Variants in SNAP25 observed in about 807,000 individuals in gnomAD.
SNAP25 encodes synaptosome associated protein 25.
Under a neutral mutation model 28.7 loss-of-function variants are expected in SNAP25, and 3 were observed. The ratio of observed to expected loss-of-function variants is 0.10; its 90% CI spans 0.05 to 0.27. SNAP25 has a LOEUF of 0.27. Among genes scored for constraint, SNAP25 ranks in the 10% least tolerant of loss-of-function variants. The pLI, the probability that SNAP25 is intolerant of heterozygous loss-of-function variation, is 1.00. For synonymous variants in SNAP25, 61 were observed against 88.1 expected (o/e 0.69, Z 1.72); for missense variants, 117 against 278.7 (o/e 0.42, Z 4.13).
chr20:10,244,534 A>T (rs2063093080), intron 1 of SNAP25, among the ~76,000 whole-genome samples: 1 of 152,198 alleles, frequency 6.6e-6, no homozygotes, highest in Admixed American at 6.5e-5. Flanking sequence ...ACAGCCAGTG[A>T]GTGGCAGAGC....
At chr20:10,263,596 AG>A (rs994869848) in intron 1 of SNAP25, among the ~76,000 whole-genome samples, 6 of 152,152 alleles carry the variant, frequency 3.9e-5, no homozygotes, top group Non-Finnish European at 8.8e-5. Flanking sequence ...CATTTTGTTT[AG>A]GGTATAACAA....
intron 1 of SNAP25, among the ~76,000 whole-genome samples, chr20:10,232,912 G>A (rs941913690): frequency 6.6e-6 from 1 of 152,104 alleles, no homozygotes; most frequent in African/African-American, 2.4e-5. Flanking sequence ...AATAACATCA[G>A]CAGAACTCCA....
chr20:10,250,761 G>A (rs530028419), intron 1 of SNAP25, among the ~76,000 whole-genome samples: 19 of 152,330 alleles, frequency 1.2e-4, no homozygotes, highest in African/African-American at 4.6e-4. Context: ...ATGATGGATA[G>A]ATGGGTGGTC....
Position 10,306,332 on chromosome 20 carries a change from C to A in SNAP25, c.*135C>A. ...CCCCATTGTGAATGTTGTCCTGTGT[C>A]ATCTGTCAGCTTCCCAACAATACTT... On this transcript the variant is annotated 3_prime_UTR_variant, in exon 8 of 8. Coordinates refer to ENST00000254976, the MANE Select transcript of SNAP25 (RefSeq NM_130811.4). 2.8e-6 allele frequency: 2 copies of A among 702,658 alleles called. No individual in the cohort carries two copies. Among genetic ancestry groups the A allele is most frequent in the Admixed American group, 2.4e-5 (1 of 41,532 alleles). The allele number at this position is 702,658 out of a possible 1,614,324, so 43.5% of individuals were successfully genotyped here.
chr20:10,284,424 A>C (rs2063836656), intron 3 of SNAP25, among the ~76,000 whole-genome samples: 1 of 152,214 alleles, frequency 6.6e-6, no homozygotes, highest in South Asian at 2.1e-4. Context: ...ATAAAATTAC[A>C]GTATAATATG....
Position 10,275,485 on chromosome 20 carries a change from C to G in SNAP25, c.-7C>G. On this transcript the variant is annotated 5_prime_UTR_variant, in exon 2 of 8. Transcript: ENST00000254976. ...GCCCAGGCGCCCAGCCACTCCCCACCGCTACCATGGCCGAAGACGCAGACA... is the reference window on the plus strand; with the variant it reads ...GCCCAGGCGCCCAGCCACTCCCCACGGCTACCATGGCCGAAGACGCAGACA... The G allele has an allele frequency of 6.2e-7, 1 of 1,600,812 alleles. No individual in the cohort carries two copies. Among genetic ancestry groups the G allele is most frequent in the Non-Finnish European group, 8.5e-7 (1 of 1,173,400 alleles).
At chr20:10,231,009 A>G (rs761284275) in intron 1 of SNAP25, among the ~76,000 whole-genome samples, 8 of 152,108 alleles carry the variant, frequency 5.3e-5, no homozygotes, top group Non-Finnish European at 1.2e-4. Context: ...TCATCAAATA[A>G]TAGGACATCT....
At chr20:10,244,733 CTT>C (rs112632869) in intron 1 of SNAP25, among the ~76,000 whole-genome samples, 72 of 140,500 alleles carry the variant, frequency 5.1e-4, no homozygotes, top group African/African-American at 1.3e-3. Context: ...TTCTTTCTCT[CTT>C]TTTTTTTTTT....
intron 1 of SNAP25, among the ~76,000 whole-genome samples, chr20:10,224,257 C>CTTTTTTTTTTTTTTTTGT: frequency 5.7e-5 from 1 of 17,420 alleles, no homozygotes; most frequent in Non-Finnish European, 9.5e-5. Flanking sequence ...ATGTACATGT[C>CTTTTTTTTTTTTTTTTGT]TTTTTTTTTT....
At position 10,218,846 on chromosome 20, in the gene SNAP25, G is replaced by C. The variant is rs1178782987; in HGVS notation, c.-195G>C. ...CGGACGGCCATCTTTGATGAGGGCA[G>C]AGCTCACGTTGCATTGAAGACGAAA... On this transcript the variant is annotated 5_prime_UTR_variant, in exon 1 of 8. Transcript: ENST00000254976. 3 of 152,048 alleles carry C rather than the reference G, an allele frequency of 2.0e-5. No homozygotes were observed. Among genetic ancestry groups the C allele is most frequent in the African/African-American group, 7.3e-5 (3 of 41,362 alleles). 9.4% of individuals were successfully genotyped at this position (152,048 alleles called of 1,614,324 possible).
rs1434625338 is a variant in SNAP25, at chr20:10,293,442, A to G, written c.281+164A>G. Among the ~76,000 whole-genome samples the G allele has an allele frequency of 6.6e-6, 1 of 152,240 alleles. No homozygotes were observed. Among genetic ancestry groups the G allele is most frequent in the East Asian group, 1.9e-4 (1 of 5,198 alleles). On this transcript the variant is annotated intron_variant, in intron 5 of 7. Coordinates refer to ENST00000254976, the MANE Select transcript of SNAP25 (RefSeq NM_130811.4). This position sits in a 1 kb window ranked among gnomAD's most constrained non-coding sequence, Gnocchi z 5.6. ...ATCTCATAGCATAGATGATATTAGC[A>G]GGAGTTACTGTTGATGCATTAAAAA...
In SNAP25 at chr20:10,307,285, A is replaced by G. The variant is rs760093155; in HGVS notation, c.*1088A>G. The G allele has an allele frequency of 6.6e-6, 1 of 152,662 alleles. No homozygotes were observed. The highest frequency in any genetic ancestry group is 1.5e-5 in the Non-Finnish European group (1 of 68,044). The allele number at this position is 152,662 out of a possible 1,614,324, so 9.5% of individuals were successfully genotyped here. ...GAAACCTTTTAAAAAAATAATATAA[A>G]TGAATGAAATATAAACTGTGAGATA... is the stretch of plus-strand genomic sequence containing the variant. On this transcript the variant is annotated 3_prime_UTR_variant, in exon 8 of 8. Transcript: ENST00000254976.
chr20:10,305,742 G>A (rs1433579574), intron 7 of SNAP25, among the ~76,000 whole-genome samples: 3 of 152,076 alleles, frequency 2.0e-5, no homozygotes, highest in African/African-American at 7.3e-5. Context: ...CAATCCTACA[G>A]TATAAGAAGT....
intron 1 of SNAP25, among the ~76,000 whole-genome samples, chr20:10,256,923 A>G (rs916788336): frequency 6.6e-6 from 1 of 152,264 alleles, no homozygotes; most frequent in Non-Finnish European, 1.5e-5. Context: ...GTAATTGACT[A>G]TAAAAAACAG....
At chr20:10,285,685 T>C (rs1407557626) in intron 4 of SNAP25, among the ~76,000 whole-genome samples, 1 of 151,732 alleles carries the variant, frequency 6.6e-6, no homozygotes, top group Non-Finnish European at 1.5e-5. Flanking sequence ...TCTCAAGCTG[T>C]GGGGGGGAAC....
chr20:10,290,690 A>T (rs2063978325), intron 4 of SNAP25, among the ~76,000 whole-genome samples: 1 of 152,156 alleles, frequency 6.6e-6, no homozygotes. Flanking sequence ...ACTTAGGAGA[A>T]ACTCCTCAAG....
intron 3 of SNAP25, among the ~76,000 whole-genome samples, chr20:10,278,831 C>T (rs937975369): frequency 6.7e-6 from 1 of 150,284 alleles, no homozygotes; most frequent in Admixed American, 6.8e-5. Flanking sequence ...AGCTTCTCAC[C>T]TAGGAATGAG....
chr20:10,244,470 T>C (rs867462060), intron 1 of SNAP25, among the ~76,000 whole-genome samples: 4 of 152,204 alleles, frequency 2.6e-5, no homozygotes, highest in Admixed American at 2.6e-4. Context: ...TATCACTGTT[T>C]TACCCATTAG....
At chr20:10,242,010 C>G (rs1330002109) in intron 1 of SNAP25, among the ~76,000 whole-genome samples, 1 of 152,118 alleles carries the variant, frequency 6.6e-6, no homozygotes, top group Non-Finnish European at 1.5e-5. Flanking sequence ...AGGCAGCATT[C>G]CTTACTAGGG....
Sources: gnomAD v4.1 joint callset for allele counts (sites outside exome capture counted in the v4.1 genomes callset) on GRCh38, gnomAD v4.1.1 for gene constraint, Gnocchi (gnomAD v3.1) non-coding constraint, MANE v1.5 for transcripts, NCBI Gene and HGNC (gene_info 2026-07-23, HGNC 2026-07-21) for gene names.